The following FAM120C variants were observed in gnomAD, a reference collection of about 807,000 sequenced individuals.
FAM120C encodes the protein family with sequence similarity 120 member C, also known as constitutive coactivator of PPAR-gamma-like protein 2.
A neutral mutation model predicts 71.2 loss-of-function variants in FAM120C; 14 were observed. The observed-to-expected ratio is 0.20, with a 90% CI of 0.13 to 0.31. FAM120C has a LOEUF of 0.31. FAM120C is among the 10% of genes least tolerant of loss of function. The probability of loss-of-function intolerance (pLI) is 1.00; values close to 1 mark genes in which losing one functional copy is unlikely to be tolerated. For missense variants in FAM120C, 500 were observed against 879.0 expected (o/e 0.57, Z 5.45); for synonymous variants, 354 against 353.2 (o/e 1.00, Z -0.03).
intron 10 of FAM120C, among the ~76,000 whole-genome samples, chrX:54,100,400 G>A (rs1180217679): frequency 8.9e-6 from 1 of 112,198 alleles, no homozygotes; most frequent in Non-Finnish European, 1.9e-5. Context: ...GGCTGAGGCA[G>A]GAGAATGGTG....
intron 9 of FAM120C, among the ~76,000 whole-genome samples, chrX:54,130,690 C>G (rs1259749021): frequency 4.5e-5 from 5 of 111,029 alleles, no homozygotes; most frequent in Non-Finnish European, 9.4e-5. Flanking sequence ...ACAGCCTGGG[C>G]AAGTATGGAA....
At chrX:54,088,735 A>C (rs1310965862) in intron 11 of FAM120C, among the ~76,000 whole-genome samples, 1 of 110,744 alleles carries the variant, frequency 9.0e-6, no homozygotes, top group Non-Finnish European at 1.9e-5. Flanking sequence ...GTACAGTCTG[A>C]AAAACTGTGA....
intron 9 of FAM120C, 53 bp downstream of exon 9, chrX:54,132,639 A>G: frequency 2.8e-6 from 3 of 1,053,083 alleles, no homozygotes; most frequent in Non-Finnish European, 3.8e-6. Flanking sequence ...CTGGACAGAC[A>G]TATCTGCTGT....
At position 54,134,941 on chromosome X, in the gene FAM120C, A is replaced by T; in HGVS notation, c.1506T>A (p.Ser502=). Residue 502 remains serine (S), a synonymous_variant, in exon 7 of 16, where the codon TCT becomes TCA. Transcript: ENST00000375180. ...GCAGGTAATTGGGAAACTGGGATGC[A>T]GAAGAGTCATAGGAGACAGCCCAAT... is the stretch of plus-strand genomic sequence containing the variant. ...FANWAVSYDS[S]ASQFPNYLPS... is the part of the protein sequence containing the mutation. 8.3e-7 allele frequency: 1 copy of T among 1,211,758 alleles called. No homozygotes were observed.
intron 10 of FAM120C, among the ~76,000 whole-genome samples, chrX:54,101,930 C>A (rs1321774712): frequency 8.9e-6 from 1 of 111,906 alleles, no homozygotes; most frequent in Non-Finnish European, 1.9e-5. Flanking sequence ...GCCTGCTCCT[C>A]CAAATTCTTG....
intron 11 of FAM120C, among the ~76,000 whole-genome samples, chrX:54,090,653 T>C (rs1008456664): frequency 1.8e-5 from 2 of 111,581 alleles, no homozygotes; most frequent in Non-Finnish European, 3.8e-5. Context: ...CCATGTTTTT[T>C]GTACAGTTTT....
intron 9 of FAM120C, among the ~76,000 whole-genome samples, chrX:54,118,359 C>G (rs2066984422): frequency 9.0e-6 from 1 of 110,948 alleles, no homozygotes; most frequent in South Asian, 3.8e-4. Flanking sequence ...ACAGTTTAAT[C>G]ATTCACCCAT....
At chrX:54,103,135 T>C (rs1557124352) in intron 10 of FAM120C, among the ~76,000 whole-genome samples, 2 of 112,078 alleles carry the variant, frequency 1.8e-5, no homozygotes, top group Non-Finnish European at 3.8e-5. Flanking sequence ...CTTAACAATA[T>C]TTTATATTCT....
At chrX:54,104,161 A>C (rs1340099664) in intron 10 of FAM120C, among the ~76,000 whole-genome samples, 2 of 110,343 alleles carry the variant, frequency 1.8e-5, no homozygotes, top group Non-Finnish European at 3.8e-5. Flanking sequence ...GCTGCCCCTC[A>C]CCTCCCCTCC....
At chrX:54,131,889 C>T (rs1260944625) in intron 9 of FAM120C, among the ~76,000 whole-genome samples, 5 of 109,071 alleles carry the variant, frequency 4.6e-5, no homozygotes, top group East Asian at 2.9e-4. Context: ...GCTGGGACTA[C>T]AGGCGCCTGC....
At chrX:54,127,508 G>A (rs1201145648) in intron 9 of FAM120C, among the ~76,000 whole-genome samples, 1 of 103,203 alleles carries the variant, frequency 9.7e-6, no homozygotes, top group Non-Finnish European at 2.0e-5. Flanking sequence ...GGAGAATGGT[G>A]TGAACCCGGG....
chrX:54,125,329 C>T (rs1381885526), intron 9 of FAM120C, among the ~76,000 whole-genome samples: 2 of 110,724 alleles, frequency 1.8e-5, no homozygotes, highest in Non-Finnish European at 3.8e-5. Context: ...GACAGGGTCT[C>T]GCTCTGACAC....
intron 12 of FAM120C, 55 bp from the exon 13 acceptor site, chrX:54,085,971 G>T (rs781833238): frequency 9.4e-7 from 1 of 1,062,849 alleles, no homozygotes; most frequent in Non-Finnish European, 1.3e-6. Flanking sequence ...CTTGTCCCAT[G>T]TTTTAGGCCC....
At position 54,178,726 on chromosome X, in the gene FAM120C, T is replaced by C. The variant is rs782144700; in HGVS notation, c.699+3774A>G. ...GACTTTTCAGAATGTCTATGACTAA[T>C]GGTAAGTAAACAATCAGGAGGCATA... On this transcript the variant is annotated intron_variant, in intron 1 of 15. Coordinates refer to ENST00000375180, the MANE Select transcript of FAM120C (RefSeq NM_017848.6). Among the ~76,000 whole-genome samples, 3 of 111,927 alleles carry C rather than the reference T, an allele frequency of 2.7e-5. No homozygotes were observed. In the Admixed American group the frequency reaches 2.8e-4, roughly 11 times the overall value.
At chrX:54,141,364 C>T (rs1338268054) in intron 4 of FAM120C, among the ~76,000 whole-genome samples, 1 of 111,195 alleles carries the variant, frequency 9.0e-6, no homozygotes. Context: ...ATTCAAAAAT[C>T]AATCTAAAAT....
At chrX:54,159,695 AT>A in intron 1 of FAM120C, 79 bp from the exon 2 acceptor site, 4 of 1,054,254 alleles carry the variant, frequency 3.8e-6, no homozygotes, top group Non-Finnish European at 5.1e-6. Flanking sequence ...TAGCAACTAA[AT>A]TTTATAGTTT....
intron 10 of FAM120C, among the ~76,000 whole-genome samples, chrX:54,100,695 T>C (rs2066878064): frequency 9.0e-6 from 1 of 111,458 alleles, no homozygotes; most frequent in South Asian, 3.8e-4. Flanking sequence ...CATACACACA[T>C]ACAAAACAAA....
At position 54,087,758 on chromosome X, in the gene FAM120C, G is replaced by C. The variant is rs782237927; in HGVS notation, c.2634C>G (p.Gly878=). ...TAGCAGCCTGACATGCTGGTACCTG[G>C]CCATCACAGAGCTCAACCAGAGATA... ...ERVSLVELCD[G]QADLATKVEK... is the part of the protein sequence containing the mutation. The change falls in exon 12 of 16, where the codon GGC becomes GGG. Residue 878 remains glycine (G), a synonymous_variant. Coordinates refer to ENST00000375180, the MANE Select transcript of FAM120C (RefSeq NM_017848.6). 3 of 1,208,822 alleles carry C rather than the reference G, an allele frequency of 2.5e-6. No individual in the cohort carries two copies. Among genetic ancestry groups the C allele is most frequent in the South Asian group, 3.5e-5 (2 of 56,738 alleles).
At chrX:54,103,906 T>C (rs1196672647) in intron 10 of FAM120C, among the ~76,000 whole-genome samples, 2 of 111,837 alleles carry the variant, frequency 1.8e-5, no homozygotes, top group African/African-American at 6.5e-5. Flanking sequence ...CTAGTTCTTA[T>C]GTATCTTTAT....
Sources: gnomAD v4.1 joint callset for allele counts (sites outside exome capture counted in the v4.1 genomes callset) on GRCh38, gnomAD v4.1.1 for gene constraint, MANE v1.5 for transcripts, NCBI Gene and HGNC (gene_info 2026-07-23, HGNC 2026-07-21) for gene names.